The following RYR1 variants were observed in gnomAD, a reference collection of about 807,000 sequenced individuals.
RYR1 encodes the protein ryanodine receptor 1, also known as central core disease of muscle.
Under a neutral mutation model 583.5 loss-of-function variants are expected in RYR1, and 342 were observed. The ratio of observed to expected loss-of-function variants is 0.59; its 90% CI spans 0.54 to 0.64. RYR1 has a LOEUF of 0.64. RYR1 is among the 30% of genes least tolerant of loss of function. RYR1 has a pLI of 0.00. For missense variants in RYR1, 6,032 were observed against 6,917.2 expected (o/e 0.87, Z 4.54); for synonymous variants, 2,791 against 2,822.5 (o/e 0.99, Z 0.35).
At chr19:38,545,781 G>C (rs530074956) in intron 87 of RYR1, among the ~76,000 whole-genome samples, 1 of 152,040 alleles carries the variant, frequency 6.6e-6, no homozygotes, top group African/African-American at 2.4e-5. Context: ...ATTACATTCC[G>C]GCCTGGGCAA....
intron 93 of RYR1, among the ~76,000 whole-genome samples, chr19:38,569,735 C>A (rs1347258554): frequency 1.3e-5 from 2 of 152,116 alleles, no homozygotes; most frequent in Admixed American, 1.3e-4. Flanking sequence ...ACACCACTTC[C>A]CTGAGCCTCA....
intron 29 of RYR1, among the ~76,000 whole-genome samples, chr19:38,477,455 T>C (rs1360740975): frequency 6.6e-6 from 1 of 152,160 alleles, no homozygotes; most frequent in Non-Finnish European, 1.5e-5. Flanking sequence ...CAATTATTTA[T>C]TTGTCAGTCT....
Position 38,565,006 on chromosome 19 carries a change from C to A in RYR1, c.12672C>A (p.Gly4224=). The A allele has an allele frequency of 6.3e-7, 1 of 1,591,576 alleles. No individual in the cohort carries two copies. Among genetic ancestry groups the A allele is most frequent in the Non-Finnish European group, 8.5e-7 (1 of 1,169,840 alleles). The stretch of plus-strand genomic sequence containing the variant: ...TCATCTTCGACGTGGTGAACGAGGG[C>A]GGCGAGGCTGAGAAGATGGAGCTCT... ...RQFIFDVVNE[G]GEAEKMELFV... is the part of the protein sequence containing the mutation. The change falls in exon 91 of 106, where the codon GGC becomes GGA. Residue 4224 remains glycine (G), a synonymous_variant. Transcript: ENST00000359596. The surrounding 1 kb of genome is among the most constrained non-coding windows in gnomAD (Gnocchi z 4.7).
chr19:38,502,694 A>C lies in RYR1; in HGVS notation c.7802A>C (p.Asp2601Ala). The change falls in exon 48 of 106, where the codon GAC becomes GCC. Residue 2601 changes from aspartate to alanine, a missense_variant. By Grantham distance (126) the Asp-to-Ala change is moderately radical. This residue lies in a region of RYR1 where 250 missense variants were observed against 162.3 expected (regional missense o/e 1.54). Coordinates refer to ENST00000359596, the MANE Select transcript of RYR1 (RefSeq NM_000540.3). ...RGRSLTKAQR[D>A]VIEDCLMSLC... ...CGTTCGCTCACCAAGGCGCAGCGTG[A>C]CGTCATCGAGGACTGCCTCATGTCG... 1 of 1,604,094 alleles carries C rather than the reference A, an allele frequency of 6.2e-7. No individual in the cohort carries two copies. The highest frequency in any genetic ancestry group is 1.4e-5 in the African/African-American group (1 of 73,976).
chr19:38,537,823 C>T (rs555104350), intron 83 of RYR1, 57 bp from the exon 84 acceptor site: 42 of 1,483,084 alleles, frequency 2.8e-5, no homozygotes, highest in Middle Eastern at 2.1e-4. Context: ...TGCATGTGTG[C>T]GCTGTGTCTT....
In RYR1 at chr19:38,528,415, CCA is replaced by C. The variant is rs1166516251; in HGVS notation, c.10936_10937del (p.Thr3646AlafsTer5). ...CGTATGACGCCCCTGTACAACCTGC[CCA>C]CGTAAGGCCCCCAGGGACAAGGGAA... On this transcript the variant is annotated frameshift_variant and splice_region_variant, in exon 74 of 106. Transcript: ENST00000359596. LOFTEE classifies it high-confidence loss of function. 6.2e-7 allele frequency: 1 copy of C among 1,613,992 alleles called. No individual in the cohort carries two copies. Among genetic ancestry groups the C allele is most frequent in the Non-Finnish European group, 8.5e-7 (1 of 1,179,902 alleles).
rs547269468 is a variant in RYR1, at chr19:38,548,296, A to G, written c.12158A>G (p.Asn4053Ser). ...MVDMLVESSS[N>S]VEMILKFFDM... is the part of the protein sequence containing the mutation. Reference sequence around the variant, plus strand: ...GACATGCTCGTGGAATCCTCATCCAATGTGGAGATGATCCTCAAGTTCTTC... The same window carrying G: ...GACATGCTCGTGGAATCCTCATCCAGTGTGGAGATGATCCTCAAGTTCTTC... The change falls in exon 89 of 106, where the codon AAT becomes AGT. Residue 4053 changes from asparagine to serine, a missense_variant. By Grantham distance (46) the Asn-to-Ser change is conservative. This residue lies in a region of RYR1 where 753 missense variants were observed against 759.6 expected (regional missense o/e 0.99). Coordinates refer to ENST00000359596, the MANE Select transcript of RYR1 (RefSeq NM_000540.3). The G allele has an allele frequency of 1.9e-6, 3 of 1,614,184 alleles. No homozygotes were observed. The highest frequency in any genetic ancestry group is 2.2e-5 in the East Asian group (1 of 44,884).
chr19:38,584,515 C>CT, intron 101 of RYR1, among the ~76,000 whole-genome samples: 1 of 53,558 alleles, frequency 1.9e-5, no homozygotes, highest in Non-Finnish European at 3.7e-5. Flanking sequence ...CTGTGCCCCC[C>CT]CATGCTAGCC....
intron 8 of RYR1, 37 bp downstream of exon 8, chr19:38,446,602 G>T: frequency 6.2e-7 from 1 of 1,605,656 alleles, no homozygotes; most frequent in South Asian, 1.1e-5. Context: ...GGGTCTAGGG[G>T]TGGACGTGGA....
At chr19:38,494,738 G>A in intron 39 of RYR1, 113 bp downstream of exon 39, 1 of 1,338,752 alleles carries the variant, frequency 7.5e-7, no homozygotes, top group Non-Finnish European at 1.1e-6. Flanking sequence ...GGTGATCTCA[G>A]TCTCTCGATG....
intron 102 of RYR1, among the ~76,000 whole-genome samples, chr19:38,585,404 A>G (rs895175677): frequency 7.5e-5 from 11 of 147,098 alleles, no homozygotes; most frequent in Admixed American, 2.1e-4. Flanking sequence ...TTATATATAT[A>G]TGTGTTTATA....
In RYR1 at chr19:38,532,490, C is replaced by T; in HGVS notation, c.11142C>T (p.Ser3714=). The change falls in exon 77 of 106, where the codon AGC becomes AGT. Residue 3714 remains serine, a splice_region_variant and synonymous_variant. Coordinates refer to ENST00000359596, the MANE Select transcript of RYR1 (RefSeq NM_000540.3). ...HFSRTALTEK[S]KLDEDYLYMA... is the part of the protein sequence containing the mutation. ...ACCACTCCCCTGCTTACTTCCCCAG[C>T]AAACTGGATGAGGATTACCTGTACA... is the stretch of plus-strand genomic sequence containing the variant. 6.2e-7 allele frequency: 1 copy of T among 1,614,184 alleles called. No individual in the cohort carries two copies. The highest frequency in any genetic ancestry group is 8.5e-7 in the Non-Finnish European group (1 of 1,180,050).
chr19:38,579,338 T>G (rs2145892472), intron 99 of RYR1, among the ~76,000 whole-genome samples: 1 of 149,896 alleles, frequency 6.7e-6, no homozygotes, highest in South Asian at 2.1e-4. Context: ...GGCAGGAGAA[T>G]CGCTTGAACC....
chr19:38,457,566 A>T lies in RYR1; in HGVS notation c.1861A>T (p.Thr621Ser). The change falls in exon 17 of 106, where the codon ACT (threonine) becomes TCT (serine). Residue 621 changes from threonine (T) to serine (S), a missense_variant. Around this residue, in one of 11 missense-constraint regions of RYR1, gnomAD observed 2,627 missense variants for 2,961.3 expected, o/e 0.89. Coordinates refer to ENST00000359596, the MANE Select transcript of RYR1 (RefSeq NM_000540.3). ...VAVRSNQDLI[T>S]ENLLPGRELL... ...TGTACGCTCCAACCAAGATCTTATT[A>T]CTGAGAACTTGCTGCCTGGCCGTGA... 6.2e-7 allele frequency: 1 copy of T among 1,614,136 alleles called. No homozygotes were observed. Among genetic ancestry groups the T allele is most frequent in the Non-Finnish European group, 8.5e-7 (1 of 1,180,026 alleles).
In RYR1 at chr19:38,543,135, C is replaced by T. The variant is rs1436643678; in HGVS notation, c.11690-212C>T. On this transcript the variant is annotated intron_variant, in intron 84 of 105. Transcript: ENST00000359596. This position sits in a 1 kb window ranked among gnomAD's most constrained non-coding sequence, Gnocchi z 4.4. ...GGAATTACAGGCGTGAGCCACCCGG[C>T]CAGTATTTTTAGACAAATGAATAAA... is the stretch of plus-strand genomic sequence containing the variant. 6.6e-6 allele frequency among the ~76,000 whole-genome samples: 1 copy of T among 152,180 alleles called. No individual in the cohort carries two copies. Among genetic ancestry groups the T allele is most frequent in the Admixed American group, 6.6e-5 (1 of 15,266 alleles).
chr19:38,485,944 G>A lies in RYR1; in HGVS notation c.5289G>A (p.Pro1763=), dbSNP rs376482004. The A allele has an allele frequency of 1.2e-5, 19 of 1,613,694 alleles. No homozygotes were observed. In the African/African-American group the frequency reaches 1.9e-4, roughly 16 times the overall value. The stretch of plus-strand genomic sequence containing the variant: ...ATGGTCACCCCCGGCATGGCCTGCC[G>A]GGAGTTGGAGTCACCACTTCGCTGA... ...TENGHPRHGL[P]GVGVTTSLRP... The change falls in exon 34 of 106, where the codon CCG becomes CCA. Residue 1763 remains proline (P), a synonymous_variant. Transcript: ENST00000359596.
chr19:38,445,139 C>T (rs1972875693), intron 7 of RYR1, among the ~76,000 whole-genome samples: 1 of 147,650 alleles, frequency 6.8e-6, no homozygotes, highest in Non-Finnish European at 1.5e-5. Context: ...GCCTGTAATC[C>T]CACCTACTCA....
Position 38,502,561 on chromosome 19 carries a change from G to A in RYR1, c.7669G>A (p.Ala2557Thr). Residue 2557 changes from alanine (A) to threonine (T), a missense_variant, in exon 48 of 106, where the codon GCC (alanine) becomes ACC (threonine). Coordinates refer to ENST00000359596, the MANE Select transcript of RYR1 (RefSeq NM_000540.3). The part of the protein sequence containing the change: ...ALALNRYLCL[A>T]VLPLITKCAP... ...GGCGCTGAACCGCTACCTGTGCCTG[G>A]CCGTGCTGCCGCTCATCACCAAGTG... 5 of 1,611,676 alleles carry A rather than the reference G, an allele frequency of 3.1e-6. No individual in the cohort carries two copies. The highest frequency in any genetic ancestry group is 1.1e-5 in the South Asian group (1 of 91,006).
intron 76 of RYR1, among the ~76,000 whole-genome samples, chr19:38,529,713 T>C (rs1485973634): frequency 1.3e-5 from 2 of 152,164 alleles, no homozygotes; most frequent in African/African-American, 2.4e-5. Flanking sequence ...GTGGGGAGGT[T>C]TTCTGTAATT....
Sources: allele counts gnomAD v4.1 joint callset (sites outside exome capture counted in the v4.1 genomes callset), GRCh38; gene constraint gnomAD v4.1.1; regional missense constraint gnomAD v4.1.1; non-coding constraint Gnocchi (gnomAD v3.1); transcripts MANE v1.5; gene names NCBI Gene and HGNC (gene_info 2026-07-23, HGNC 2026-07-21).